The following TF variants were observed in gnomAD, a reference collection of about 807,000 sequenced individuals.
TF encodes the protein transferrin.
In TF, 55 loss-of-function variants were observed where a neutral mutation model predicts 82.4. That is an observed-to-expected ratio of 0.67 (90% CI 0.54 to 0.84). The LOEUF is 0.84. Among genes scored for constraint, TF ranks in the 40% least tolerant of loss-of-function variants. TF has a pLI of 0.00. For synonymous variants in TF, 332 were observed against 332.6 expected, an observed-to-expected ratio of 1.00 and a Z score of 0.02; for missense variants, 737 against 868.4, an observed-to-expected ratio of 0.85 and a Z score of 1.90.
At chr3:133,726,219 C>T in the TF span, among the ~76,000 whole-genome samples, 29,489 of 151,344 alleles carry the variant, frequency 0.19, 2,985 homozygotes, top group East Asian at 0.29. Context: ...TTGGAATAGT[C>T]TCAGAAGGAA....
upstream of TF, among the ~76,000 whole-genome samples, chr3:133,742,322 C>T (rs1347447563): frequency 6.6e-6 from 1 of 152,084 alleles, no homozygotes; most frequent in Non-Finnish European, 1.5e-5. Context: ...TCCACCTGGC[C>T]CTGGACTATT....
At position 133,754,691 on chromosome 3, in the gene TF, G is replaced by A; in HGVS notation, c.502+20G>A. 1 of 1,613,874 alleles carries A rather than the reference G, an allele frequency of 6.2e-7. No individual in the cohort carries two copies. Among genetic ancestry groups the A allele is most frequent in the Non-Finnish European group, 8.5e-7 (1 of 1,179,924 alleles). On this transcript the variant is annotated intron_variant, in intron 4 of 16. Coordinates refer to ENST00000402696, the MANE Select transcript of TF (RefSeq NM_001063.4). ...AGAAAGGTAAGCTGGCAGGAGTCTG[G>A]GTGCCCTCGAGCAGCTGCCTCTGCT...
the TF span, among the ~76,000 whole-genome samples, chr3:133,728,387 T>A: frequency 4.3e-4 from 65 of 151,658 alleles, no homozygotes; most frequent in Middle Eastern, 3.4e-3. Context: ...TTCCCTTCTC[T>A]CTTCATTTCA....
the TF span, among the ~76,000 whole-genome samples, chr3:133,713,973 G>T: frequency 1.3e-5 from 2 of 152,230 alleles, no homozygotes; most frequent in Non-Finnish European, 2.9e-5. Flanking sequence ...CTTTCCAACT[G>T]TAAGTGCTAC....
chr3:133,759,200 C>A lies in TF; in HGVS notation c.1074C>A (p.Cys358Ter). The change falls in exon 9 of 17, where the codon TGC becomes TGA. Residue 358 changes from cysteine to a stop codon, truncating the protein, a stop_gained. Coordinates refer to ENST00000402696, the MANE Select transcript of TF (RefSeq NM_001063.4). LOFTEE classifies it high-confidence loss of function. ...GTCPEAPTDE[C>*]KPVKWCALSH... ...GCCCAGAAGCCCCAACAGATGAATG[C>A]AAGCCTGTGAAGTGGTGTGCGCTGA... The A allele has an allele frequency of 6.2e-7, 1 of 1,614,166 alleles. No individual in the cohort carries two copies. The highest frequency in any genetic ancestry group is 1.1e-5 in the South Asian group (1 of 91,078).
the TF span, among the ~76,000 whole-genome samples, chr3:133,672,656 G>A: frequency 6.6e-6 from 1 of 151,332 alleles, no homozygotes; most frequent in South Asian, 2.1e-4. Context: ...GAGCCTAGGA[G>A]GTGGAGCCTT....
At chr3:133,687,566 A>T in the TF span, among the ~76,000 whole-genome samples, 1 of 152,196 alleles carries the variant, frequency 6.6e-6, no homozygotes, top group South Asian at 2.1e-4. Flanking sequence ...CATACCCATT[A>T]AACAGTCAGT....
rs1388629013 is a variant in TF at position 133,746,454 on chromosome 3, T to C, written c.14T>C (p.Val5Ala). 6.2e-7 allele frequency: 1 copy of C among 1,600,574 alleles called. No individual in the cohort carries two copies. Among genetic ancestry groups the C allele is most frequent in the Non-Finnish European group, 8.5e-7 (1 of 1,177,220 alleles). Residue 5 changes from valine (V) to alanine (A), a missense_variant, in exon 1 of 17, where the codon GTG becomes GCG. Physicochemically the swap from Val to Ala is moderately conservative, Grantham distance 64. Transcript: ENST00000402696. MRLA[V>A]GALLVCAVLG... is the part of the protein sequence containing the mutation. ...CGCACCCGGAAGATGAGGCTCGCCG[T>C]GGGAGCCCTGCTGGTCTGCGCCGTC...
chr3:133,667,189 T>G, the TF span, among the ~76,000 whole-genome samples: 7 of 151,984 alleles, frequency 4.6e-5, no homozygotes, highest in Non-Finnish European at 8.8e-5. Flanking sequence ...AAAAAAAGTT[T>G]TGTTGTTTTT....
At chr3:133,724,928 C>A in the TF span, among the ~76,000 whole-genome samples, 3 of 152,110 alleles carry the variant, frequency 2.0e-5, no homozygotes, top group African/African-American at 7.2e-5. Flanking sequence ...TTCCCCATTG[C>A]TTGTTTTTCT....
Position 133,766,372 on chromosome 3 carries a change from A to G in TF, c.1425A>G (p.Arg475=), listed in dbSNP as rs758225192. 2 of 1,614,122 alleles carry G rather than the reference A, an allele frequency of 1.2e-6. No individual in the cohort carries two copies. Among genetic ancestry groups the G allele is most frequent in the African/African-American group, 1.3e-5 (1 of 74,946 alleles). ...AGTCCTGCCATACGGCAGTTGGCAG[A>G]ACCGCTGGCTGGAACATCCCCATGG... ...GKKSCHTAVG[R]TAGWNIPMGL... is the part of the protein sequence containing the mutation. The change falls in exon 12 of 17, where the codon AGA becomes AGG. Residue 475 remains arginine (R), a synonymous_variant. Transcript: ENST00000402696.
the TF span, among the ~76,000 whole-genome samples, chr3:133,736,631 C>CAAAAAAAAAAAAAAAAAAAAAAAAAAA: frequency 3.1e-5 from 1 of 32,552 alleles, no homozygotes; most frequent in African/African-American, 1.3e-4. Flanking sequence ...AATGGAAAGC[C>CAAAAAAAAAAAAAAAAAAAAAAAAAAA]AAAAAAAAAA....
chr3:133,687,339 T>C, the TF span, among the ~76,000 whole-genome samples: 1 of 151,152 alleles, frequency 6.6e-6, no homozygotes, highest in Non-Finnish European at 1.5e-5. Flanking sequence ...CAACTTAAAG[T>C]ATAATTTAAA....
Position 133,777,041 on chromosome 3 carries a change from C to T in TF, c.1873-8C>T, listed in dbSNP as rs775782700. 1.3e-5 allele frequency: 21 copies of T among 1,613,978 alleles called. No homozygotes were observed. The highest frequency in any genetic ancestry group is 1.7e-5 in the Non-Finnish European group (20 of 1,179,976). On this transcript the variant is annotated splice_polypyrimidine_tract_variant and splice_region_variant and intron_variant, in intron 15 of 16. Coordinates refer to ENST00000402696, the MANE Select transcript of TF (RefSeq NM_001063.4). ...AAGGTCCTCACGGACTTTCTGTTCA[C>T]TTGACAGCACCTATTTGGAAGCAAC...
the TF span, among the ~76,000 whole-genome samples, chr3:133,719,086 A>G: frequency 6.6e-6 from 1 of 152,202 alleles, no homozygotes. Flanking sequence ...CTTAAAAAGA[A>G]TGTACCTTGA....
chr3:133,745,744 T>C (rs999442837), upstream of TF, among the ~76,000 whole-genome samples: 1 of 152,118 alleles, frequency 6.6e-6, no homozygotes, highest in African/African-American at 2.4e-5. Context: ...CTGTCCCTAG[T>C]CTAAGGTGTC....
At position 133,795,280 on chromosome 3, in the gene TF, C is replaced by T. The variant is rs1323829609; in HGVS notation, c.*16660C>T. 1 of 152,186 alleles carries T rather than the reference C, an allele frequency of 6.6e-6. No homozygotes were observed. The highest frequency in any genetic ancestry group is 1.5e-5 in the Non-Finnish European group (1 of 68,032). The allele number at this position is 152,186 out of a possible 1,614,324, so 9.4% of individuals were successfully genotyped here. A position where few individuals can be genotyped will look rare whatever the true frequency, so the allele number is the denominator to read the frequency against. ...CCTGGATAAGGAGCATACTTACTCTCAACTCTTGGTATTATCCTCCTGATA... is the reference window on the plus strand; with the variant it reads ...CCTGGATAAGGAGCATACTTACTCTTAACTCTTGGTATTATCCTCCTGATA... On this transcript the variant is annotated 3_prime_UTR_variant, in exon 17 of 17. Coordinates refer to ENST00000402696, the MANE Select transcript of TF (RefSeq NM_001063.4).
At chr3:133,687,114 A>G in the TF span, among the ~76,000 whole-genome samples, 186 of 152,304 alleles carry the variant, frequency 1.2e-3, 1 homozygote, top group African/African-American at 4.4e-3. Flanking sequence ...CAAACACCAC[A>G]TGTTCTCACT....
rs1934564254 is a variant in TF, at chr3:133,783,368, A to C, written c.*4748A>C. On this transcript the variant is annotated 3_prime_UTR_variant, in exon 17 of 17. Transcript: ENST00000402696. Reference sequence around the variant, plus strand: ...GGGGGACAGATAGGCTACTCACTGAAGTGTTTAGAAGCAGAGTAGCTGAAA... The same window carrying C: ...GGGGGACAGATAGGCTACTCACTGACGTGTTTAGAAGCAGAGTAGCTGAAA... 2 of 152,222 alleles carry C rather than the reference A, an allele frequency of 1.3e-5. No individual in the cohort carries two copies. The highest frequency in any genetic ancestry group is 4.8e-5 in the African/African-American group (2 of 41,460). 9.4% of individuals were successfully genotyped at this position (152,222 alleles called of 1,614,324 possible).
Sources: gnomAD v4.1 joint callset for allele counts (sites outside exome capture counted in the v4.1 genomes callset) on GRCh38, gnomAD v4.1.1 for gene constraint, MANE v1.5 for transcripts, NCBI Gene and HGNC (gene_info 2026-07-23, HGNC 2026-07-21) for gene names.